GRID2: variants seen among roughly 807,000 people sequenced by gnomAD.
The protein encoded by GRID2 is glutamate ionotropic receptor delta type subunit 2.
In GRID2, 33 loss-of-function variants were observed where a neutral mutation model predicts 114.8. That is an observed-to-expected ratio of 0.29 (90% CI 0.22 to 0.38). GRID2 has a LOEUF of 0.38. Among genes scored for constraint, GRID2 ranks in the 10% least tolerant of loss-of-function variants. GRID2 has a pLI of 1.00. For missense variants in GRID2, 1,184 were observed against 1,257.7 expected (o/e 0.94, Z 0.89); for synonymous variants, 505 against 449.9 (o/e 1.12, Z -1.55).
intron 2 of GRID2, among the ~76,000 whole-genome samples, chr4:92,616,548 C>T (rs1730012441): frequency 6.6e-6 from 1 of 151,176 alleles, no homozygotes; most frequent in African/African-American, 2.4e-5. Context: ...AAATTTTTAC[C>T]CATAATTTCT....
intron 14 of GRID2, among the ~76,000 whole-genome samples, chr4:93,706,692 G>T (rs747497536): frequency 6.6e-6 from 1 of 152,034 alleles, no homozygotes; most frequent in Non-Finnish European, 1.5e-5. Flanking sequence ...TTTGCAATTT[G>T]GATGCCCTGT....
chr4:92,675,853 C>T (rs1004351583), intron 2 of GRID2, among the ~76,000 whole-genome samples: 1 of 151,784 alleles, frequency 6.6e-6, no homozygotes, highest in Non-Finnish European at 1.5e-5. Context: ...CACGCCTGGC[C>T]TGAGCTACCA....
At chr4:92,786,765 T>C (rs1393635817) in intron 2 of GRID2, among the ~76,000 whole-genome samples, 3 of 151,928 alleles carry the variant, frequency 2.0e-5, no homozygotes, top group African/African-American at 2.4e-5. Context: ...AATATTCTCA[T>C]GTATTTTTAG....
intron 2 of GRID2, among the ~76,000 whole-genome samples, chr4:92,756,404 G>A (rs1471605255): frequency 6.6e-6 from 1 of 152,030 alleles, no homozygotes; most frequent in Admixed American, 6.5e-5. Flanking sequence ...ATAAACATAG[G>A]GGTGCATGTA....
chr4:92,606,034 G>GTAAAACTAAAATAAATACCAAAATTT (rs1729434802), intron 2 of GRID2, among the ~76,000 whole-genome samples: 1 of 135,990 alleles, frequency 7.4e-6, no homozygotes, highest in Non-Finnish European at 1.7e-5. Context: ...CTTCTTTCCA[G>GTAAAACTAAAATAAATACCAAAATTT]GAAAACTAAA....
intron 10 of GRID2, among the ~76,000 whole-genome samples, chr4:93,428,279 A>G (rs1375136325): frequency 6.6e-6 from 1 of 152,164 alleles, no homozygotes; most frequent in Non-Finnish European, 1.5e-5. Flanking sequence ...AAAGATTTCT[A>G]TAAAGTAAAA....
intron 2 of GRID2, among the ~76,000 whole-genome samples, chr4:92,832,145 T>G (rs958488602): frequency 1.1e-4 from 16 of 151,442 alleles, no homozygotes; most frequent in Admixed American, 2.6e-4. Flanking sequence ...GAAAGATTAG[T>G]AAATAAAAAT....
At chr4:92,918,157 G>A (rs1450742049) in intron 2 of GRID2, among the ~76,000 whole-genome samples, 1 of 152,068 alleles carries the variant, frequency 6.6e-6, no homozygotes, top group Non-Finnish European at 1.5e-5. Context: ...CTGTTTGTCT[G>A]TTATTGGTGT....
intron 14 of GRID2, among the ~76,000 whole-genome samples, chr4:93,722,740 T>A (rs545057276): frequency 6.6e-6 from 1 of 152,292 alleles, no homozygotes; most frequent in Admixed American, 6.5e-5. Flanking sequence ...TAACCTAAGG[T>A]ACTCATCATC....
At chr4:92,851,765 C>T (rs1282576385) in intron 2 of GRID2, among the ~76,000 whole-genome samples, 1 of 151,892 alleles carries the variant, frequency 6.6e-6, no homozygotes, top group African/African-American at 2.4e-5. Context: ...CATAGGAGTA[C>T]ATAATATTGC....
chr4:92,315,041 G>C (rs1725896113), intron 1 of GRID2, among the ~76,000 whole-genome samples: 1 of 152,132 alleles, frequency 6.6e-6, no homozygotes, highest in South Asian at 2.1e-4. Context: ...GAAAGGAAAT[G>C]TTCTAAATTT....
chr4:92,770,355 T>A (rs1245917573), intron 2 of GRID2, among the ~76,000 whole-genome samples: 1 of 152,164 alleles, frequency 6.6e-6, no homozygotes, highest in Non-Finnish European at 1.5e-5. Context: ...GTTCCAAACA[T>A]TCCCACATTT....
intron 2 of GRID2, among the ~76,000 whole-genome samples, chr4:92,851,849 C>T (rs910297293): frequency 3.3e-5 from 5 of 151,996 alleles, no homozygotes; most frequent in South Asian, 2.1e-4. Context: ...AACTTTGTAA[C>T]GGTCATTCAC....
chr4:92,517,326 T>G (rs907660484), intron 1 of GRID2, among the ~76,000 whole-genome samples: 2 of 151,928 alleles, frequency 1.3e-5, no homozygotes, highest in Admixed American at 6.6e-5. Context: ...AAACACTCCT[T>G]CATTTTTCAC....
At chr4:93,248,485 C>T (rs1748452430) in intron 8 of GRID2, among the ~76,000 whole-genome samples, 1 of 152,108 alleles carries the variant, frequency 6.6e-6, no homozygotes, top group African/African-American at 2.4e-5. Context: ...ATGATAGGTT[C>T]TGTTGAACCA....
chr4:93,367,493 A>G (rs954380074), intron 8 of GRID2, among the ~76,000 whole-genome samples: 2 of 152,190 alleles, frequency 1.3e-5, no homozygotes, highest in African/African-American at 4.8e-5. Flanking sequence ...ATTATTGTGA[A>G]AATTACCACA....
At chr4:92,943,721 TG>T (rs1408757287) in intron 2 of GRID2, among the ~76,000 whole-genome samples, 1 of 152,174 alleles carries the variant, frequency 6.6e-6, no homozygotes, top group Non-Finnish European at 1.5e-5. Flanking sequence ...TGTCTACTTT[TG>T]GTCTTTGATG....
At position 92,769,224 on chromosome 4, in the gene GRID2, T is replaced by C. The variant is rs111349368; in HGVS notation, c.244+178938T>C. On this transcript the variant is annotated intron_variant, in intron 2 of 15. Coordinates refer to ENST00000282020, the MANE Select transcript of GRID2 (RefSeq NM_001510.4). The stretch of plus-strand genomic sequence containing the variant: ...GAAACCCAGTGGGGCAATCCTAAAG[T>C]GCCAAAATTATCTCTTTTGACTCCA... Among the ~76,000 whole-genome samples the C allele has an allele frequency of 9.1e-4, 138 of 152,242 alleles. 2 individuals are homozygous for C. The highest frequency in any genetic ancestry group is 3.1e-3 in the African/African-American group (127 of 41,560).
At chr4:93,258,962 G>T in intron 8 of GRID2, 2 of 455,012 alleles carry the variant, frequency 4.4e-6, no homozygotes, top group Non-Finnish European at 8.9e-6. Flanking sequence ...TATTAATAAG[G>T]ACTGATGTGC....
Sources: allele counts gnomAD v4.1 joint callset (sites outside exome capture counted in the v4.1 genomes callset), GRCh38; gene constraint gnomAD v4.1.1; transcripts MANE v1.5; gene names NCBI Gene and HGNC (gene_info 2026-07-23, HGNC 2026-07-21).